Variants in CFAP210 observed in about 807,000 individuals in gnomAD.
CFAP210 encodes the protein cilia- and flagella- associated protein 210.
At chr2:169,672,102 A>G in the CFAP210 span, among the ~76,000 whole-genome samples, 31 of 152,352 alleles carry the variant, frequency 2.0e-4, no homozygotes, top group Non-Finnish European at 3.2e-4. Context: ...AGTAACATGC[A>G]TTCTGAATTC....
the CFAP210 span, among the ~76,000 whole-genome samples, chr2:169,667,904 G>T: frequency 6.6e-6 from 1 of 152,098 alleles, no homozygotes. Flanking sequence ...TGGTAAATGA[G>T]CAATGGCTTC....
the CFAP210 span, among the ~76,000 whole-genome samples, chr2:169,675,330 A>G: frequency 6.6e-6 from 1 of 152,164 alleles, no homozygotes; most frequent in Admixed American, 6.5e-5. Context: ...AGACTGGGTA[A>G]TTTATAAAGA....
At chr2:169,650,538 A>G in the CFAP210 span, 3 of 1,482,934 alleles carry the variant, frequency 2.0e-6, no homozygotes, top group Non-Finnish European at 1.8e-6. Context: ...CAAAATAACC[A>G]TACTCGTCAA....
At chr2:169,653,030 ATATATATATATATATATATATAT>A in the CFAP210 span, among the ~76,000 whole-genome samples, 1 of 9,060 alleles carries the variant, frequency 1.1e-4, no homozygotes, top group Non-Finnish European at 1.8e-4. Context: ...AAAAAAAAAA[ATATATATATATATATATATATAT>A]ATATATATAT....
At chr2:169,652,856 C>A in the CFAP210 span, among the ~76,000 whole-genome samples, 1 of 148,352 alleles carries the variant, frequency 6.7e-6, no homozygotes, top group Admixed American at 6.7e-5. Flanking sequence ...AAAAACTAGC[C>A]GGGCCTGGTG....
the CFAP210 span, among the ~76,000 whole-genome samples, chr2:169,690,769 A>G: frequency 6.6e-6 from 1 of 151,492 alleles, no homozygotes; most frequent in East Asian, 1.9e-4. Flanking sequence ...ATTTGTTGTT[A>G]ATCTTATTGA....
the CFAP210 span, among the ~76,000 whole-genome samples, chr2:169,688,923 C>T: frequency 4.8e-3 from 731 of 152,330 alleles, 4 homozygotes; most frequent in African/African-American, 0.017. Context: ...TCCGTTTTCA[C>T]ACTGCTGATA....
chr2:169,667,623 T>G, the CFAP210 span, among the ~76,000 whole-genome samples: 3 of 152,146 alleles, frequency 2.0e-5, no homozygotes, highest in African/African-American at 7.2e-5. Flanking sequence ...ATGGACGTTA[T>G]GTTAACAGCC....
chr2:169,676,544 T>C, the CFAP210 span, among the ~76,000 whole-genome samples: 1 of 125,734 alleles, frequency 8.0e-6, no homozygotes, highest in Non-Finnish European at 1.8e-5. Flanking sequence ...TGTCTTATAG[T>C]CAACCACTCC....
chr2:169,686,934 T>A, the CFAP210 span, among the ~76,000 whole-genome samples: 1 of 152,198 alleles, frequency 6.6e-6, no homozygotes, highest in African/African-American at 2.4e-5. Context: ...TTAGTTGGAC[T>A]TACAGTTCCA....
the CFAP210 span, among the ~76,000 whole-genome samples, chr2:169,673,219 C>T: frequency 5.3e-5 from 8 of 152,322 alleles, no homozygotes; most frequent in East Asian, 9.6e-4. Flanking sequence ...GGAAAAAACA[C>T]GATGTGGCCC....
chr2:169,682,619 G>C, the CFAP210 span, among the ~76,000 whole-genome samples: 1 of 152,108 alleles, frequency 6.6e-6, no homozygotes, highest in African/African-American at 2.4e-5. Context: ...TAACTGTAAG[G>C]GTGGCTGAAA....
the CFAP210 span, among the ~76,000 whole-genome samples, chr2:169,691,492 C>A: frequency 6.6e-6 from 1 of 152,054 alleles, no homozygotes; most frequent in Non-Finnish European, 1.5e-5. Flanking sequence ...TATCTTTTGT[C>A]CACCCCTACT....
At chr2:169,672,011 T>A in the CFAP210 span, among the ~76,000 whole-genome samples, 136 of 152,356 alleles carry the variant, frequency 8.9e-4, no homozygotes, top group Middle Eastern at 3.4e-3. Context: ...CAACTCAGGT[T>A]AATACCAGTG....
At chr2:169,674,223 C>T in the CFAP210 span, among the ~76,000 whole-genome samples, 12 of 152,114 alleles carry the variant, frequency 7.9e-5, no homozygotes, top group African/African-American at 2.9e-4. Context: ...ACACATGGAG[C>T]GGATCAGAAT....
chr2:169,688,204 G>C, the CFAP210 span, among the ~76,000 whole-genome samples: 1 of 152,202 alleles, frequency 6.6e-6, no homozygotes, highest in Non-Finnish European at 1.5e-5. Context: ...ACATGGCCTG[G>C]AGACATTTTC....
chr2:169,681,743 T>G, the CFAP210 span, among the ~76,000 whole-genome samples: 1 of 152,208 alleles, frequency 6.6e-6, no homozygotes, highest in Non-Finnish European at 1.5e-5. Flanking sequence ...CACTTGTATC[T>G]CCATTGTCAA....
the CFAP210 span, chr2:169,645,938 G>C: frequency 1.2e-6 from 2 of 1,613,900 alleles, no homozygotes; most frequent in Non-Finnish European, 1.7e-6. Flanking sequence ...AACATCATTT[G>C]CCTGATAGCT....
chr2:169,674,922 A>C, the CFAP210 span: 1 of 1,536,456 alleles, frequency 6.5e-7, no homozygotes, highest in Admixed American at 2.2e-5. Flanking sequence ...TGCATTTTCA[A>C]TGGCCTTTTT....
Sources: gnomAD v4.1 joint callset for allele counts (sites outside exome capture counted in the v4.1 genomes callset) on GRCh38, gnomAD v4.1.1 for gene constraint, MANE v1.5 for transcripts, NCBI Gene and HGNC (gene_info 2026-07-23, HGNC 2026-07-21) for gene names.